POLR2F: variants seen among roughly 807,000 people sequenced by gnomAD.
POLR2F encodes DNA-directed RNA polymerases I, II, and III subunit RPABC2.
In POLR2F, 12 loss-of-function variants were observed where a neutral mutation model predicts 22.7. The observed-to-expected ratio is 0.53, with a 90% CI of 0.34 to 0.86. The LOEUF is 0.86. Ranked by LOEUF, POLR2F falls within the 40% of genes least tolerant of loss-of-function variation. The probability of loss-of-function intolerance (pLI) is 0.02; values close to 1 mark genes in which losing one functional copy is unlikely to be tolerated. For missense variants in POLR2F, 126 were observed against 171.5 expected (o/e 0.73, Z 1.48); for synonymous variants, 57 against 66.0 (o/e 0.86, Z 0.66).
intron 3 of POLR2F, among the ~76,000 whole-genome samples, chr22:37,966,285 A>G (rs61464778): frequency 0.035 from 5,330 of 152,176 alleles, 304 homozygotes; most frequent in African/African-American, 0.12. Context: ...TGGAATGTGG[A>G]GTAAATACAG....
chr22:37,986,218 G>A lies in POLR2F; in HGVS notation c.28G>A (p.Glu10Lys), dbSNP rs572906399. 109 of 1,542,112 alleles carry A rather than the reference G, an allele frequency of 7.1e-5. 1 individual carries two copies. Among genetic ancestry groups the A allele is most frequent in the Non-Finnish European group, 8.8e-5 (101 of 1,147,522 alleles). Residue 10 changes from glutamate to lysine, a missense_variant, in exon 1 of 3, where the codon GAG (glutamate) becomes AAG (lysine). Coordinates refer to the POLR2F transcript ENST00000333418. This position sits in a 1 kb window ranked among gnomAD's most constrained non-coding sequence, Gnocchi z 4.7. Reference sequence around the variant, plus strand: ...CTGGATGGACAGAGGGACGAGGGACGAGCATCTGCCGTCGTGTCCCGGCTG... The same window carrying A: ...CTGGATGGACAGAGGGACGAGGGACAAGCATCTGCCGTCGTGTCCCGGCTG...
intron 1 of POLR2F, among the ~76,000 whole-genome samples, chr22:38,013,083 C>G (rs1350534834): frequency 5.0e-5 from 1 of 20,072 alleles, no homozygotes; most frequent in Admixed American, 4.4e-4. Flanking sequence ...ACTTCCTTCC[C>G]TTCCTTCCCT....
chr22:38,030,376 G>T (rs966144504), downstream of POLR2F, among the ~76,000 whole-genome samples: 3 of 152,120 alleles, frequency 2.0e-5, no homozygotes, highest in Non-Finnish European at 4.4e-5. Context: ...TTTCATAGTG[G>T]AAAAAGTCCC....
At chr22:37,983,392 G>A, upstream of POLR2F, 1 of 1,610,136 alleles carries the variant, frequency 6.2e-7, no homozygotes. This position sits in a 1 kb window ranked among gnomAD's most constrained non-coding sequence, Gnocchi z 9.5. Flanking sequence ...TGAGCTCAGC[G>A]TTGTGCAGGT....
At chr22:38,013,607 A>G (rs1569180659) in intron 1 of POLR2F, among the ~76,000 whole-genome samples, 1 of 152,224 alleles carries the variant, frequency 6.6e-6, no homozygotes. Context: ...GTGTTTGTGT[A>G]TAGTTCTTTT....
intron 1 of POLR2F, among the ~76,000 whole-genome samples, chr22:38,014,722 A>G (rs1220698352): frequency 6.6e-6 from 1 of 150,618 alleles, no homozygotes; most frequent in Admixed American, 6.6e-5. Flanking sequence ...TGACCTCGTG[A>G]TCTATCTGCC....
At chr22:37,972,221 T>C (rs1278379673), downstream of POLR2F, 2 of 1,297,216 alleles carry the variant, frequency 1.5e-6, no homozygotes, top group African/African-American at 3.0e-5. Flanking sequence ...CTTTGCATTC[T>C]ACTCCTAGCT....
Position 38,016,448 on chromosome 22 carries a change from G to A in POLR2F, c.121-9421G>A, listed in dbSNP as rs1325905176. On this transcript the variant is annotated intron_variant, in intron 1 of 2. Transcript: ENST00000333418. The surrounding 1 kb of genome is among the most constrained non-coding windows in gnomAD (Gnocchi z 4.4). ...TCCCAGAGAAGGGACCATTGTGTCC[G>A]AAGGGTTAACGAGGGATGTGAGGAA... 6.6e-6 allele frequency among the ~76,000 whole-genome samples: 1 copy of A among 152,232 alleles called. No homozygotes were observed. The highest frequency in any genetic ancestry group is 2.4e-5 in the African/African-American group (1 of 41,454).
Position 37,956,753 on chromosome 22 carries a change from G to C in POLR2F, c.21-20G>C, listed in dbSNP as rs771846351. The C allele has an allele frequency of 6.2e-7, 1 of 1,601,856 alleles. No individual in the cohort carries two copies. The highest frequency in any genetic ancestry group is 8.6e-7 in the Non-Finnish European group (1 of 1,168,724). On this transcript the variant is annotated intron_variant, in intron 1 of 4. Transcript: ENST00000442738. ...CTTTTAAGTGATGCTCTAAGTAACT[G>C]ATCTCTTCTTCCTGTACAGTTTTGA...
In POLR2F at chr22:37,956,280, C is replaced by T. The variant is rs184123966; in HGVS notation, c.21-493C>T. On this transcript the variant is annotated intron_variant, in intron 1 of 4. Transcript: ENST00000442738. ...GCTAATTTTGTATTTTTAGTAGAGA[C>T]GGGGTTTCATCATGTTGGTCAGGCT... 1.1e-3 allele frequency among the ~76,000 whole-genome samples: 164 copies of T among 151,612 alleles called. 1 individual carries two copies. Among genetic ancestry groups the T allele is most frequent in the Admixed American group, 5.6e-3 (85 of 15,212 alleles).
intron 1 of POLR2F, among the ~76,000 whole-genome samples, chr22:37,999,785 A>G (rs150107161): frequency 6.6e-6 from 1 of 152,192 alleles, no homozygotes; most frequent in Non-Finnish European, 1.5e-5. Context: ...GGGTCATGTC[A>G]TAACTGGCAG....
intron 1 of POLR2F, chr22:38,025,631 C>T: frequency 6.4e-7 from 1 of 1,561,176 alleles, no homozygotes; most frequent in Non-Finnish European, 8.6e-7. Flanking sequence ...CGCACTGGCC[C>T]ACAGCCTAGG....
intron 1 of POLR2F, chr22:38,025,719 A>G: frequency 6.5e-7 from 1 of 1,530,440 alleles, no homozygotes; most frequent in Non-Finnish European, 8.8e-7. Context: ...GTACAGATGC[A>G]TAAACTGAGC....
chr22:38,025,721 A>C, intron 1 of POLR2F: 4 of 1,529,818 alleles, frequency 2.6e-6, no homozygotes, highest in Non-Finnish European at 3.5e-6. Flanking sequence ...ACAGATGCAT[A>C]AACTGAGCCC....
At chr22:38,007,166 G>A (rs1474100129) in intron 1 of POLR2F, among the ~76,000 whole-genome samples, 1 of 152,110 alleles carries the variant, frequency 6.6e-6, no homozygotes, top group Non-Finnish European at 1.5e-5. Context: ...TGAGGGAAGG[G>A]CCCTCCCAGA....
At chr22:37,977,848 C>A (rs1401811408) in intron 4 of POLR2F, 1 of 1,600,396 alleles carries the variant, frequency 6.2e-7, no homozygotes, top group Non-Finnish European at 8.5e-7. Context: ...CCACCCTCAG[C>A]TCTGTCATCA....
downstream of POLR2F, chr22:37,973,351 C>T (rs1234773754): frequency 1.3e-5 from 8 of 624,226 alleles, no homozygotes; most frequent in Non-Finnish European, 2.2e-5. Flanking sequence ...GGCAGTGAGC[C>T]AGACAGAAAG....
chr22:38,028,258 C>G (rs2085032649), downstream of POLR2F, among the ~76,000 whole-genome samples: 1 of 152,086 alleles, frequency 6.6e-6, no homozygotes, highest in African/African-American at 2.4e-5. Flanking sequence ...GACACAGAGC[C>G]AGGATTGGAG....
intron 3 of POLR2F, among the ~76,000 whole-genome samples, chr22:37,962,499 G>A (rs1040578569): frequency 6.6e-6 from 1 of 152,120 alleles, no homozygotes; most frequent in Non-Finnish European, 1.5e-5. Context: ...TTGCTCTTAT[G>A]CATGGCATTA....
Sources: gnomAD v4.1 joint callset for allele counts (sites outside exome capture counted in the v4.1 genomes callset) on GRCh38, gnomAD v4.1.1 for gene constraint, Gnocchi (gnomAD v3.1) non-coding constraint, MANE v1.5 for transcripts, NCBI Gene and HGNC (gene_info 2026-07-23, HGNC 2026-07-21) for gene names.